The following HTR4 variants were observed in gnomAD, a reference collection of about 807,000 sequenced individuals.
HTR4 encodes the protein 5-hydroxytryptamine receptor 4, also known as 5-hydroxytryptamine (serotonin) receptor 4, G protein-coupled.
Under a neutral mutation model 36.8 loss-of-function variants are expected in HTR4, and 16 were observed. That is an observed-to-expected ratio of 0.43 (90% CI 0.29 to 0.66). The LOEUF (loss-of-function observed/expected upper bound fraction) is 0.66. HTR4 is among the 30% of genes least tolerant of loss of function. HTR4 has a pLI of 0.13. For synonymous variants in HTR4, 189 were observed against 185.1 expected (o/e 1.02, Z -0.17); for missense variants, 438 against 490.9 (o/e 0.89, Z 1.02).
chr5:148,607,309 C>T (rs929591657), intron 2 of HTR4, among the ~76,000 whole-genome samples: 2 of 152,096 alleles, frequency 1.3e-5, no homozygotes, highest in Non-Finnish European at 2.9e-5. Flanking sequence ...ACAGACTGGA[C>T]CAGAGTTCAG....
chr5:148,584,806 G>C (rs1761287969), intron 2 of HTR4, among the ~76,000 whole-genome samples: 1 of 152,134 alleles, frequency 6.6e-6, no homozygotes, highest in Non-Finnish European at 1.5e-5. Flanking sequence ...AATAAAGATT[G>C]CTGGCATCAC....
intron 5 of HTR4, among the ~76,000 whole-genome samples, chr5:148,514,534 C>T (rs1346282802): frequency 6.6e-6 from 1 of 152,142 alleles, no homozygotes; most frequent in Non-Finnish European, 1.5e-5. Context: ...TAGTCATCAA[C>T]CTTCTCTAGA....
chr5:148,642,217 T>C (rs1212544304), intron 1 of HTR4, among the ~76,000 whole-genome samples: 4 of 152,140 alleles, frequency 2.6e-5, no homozygotes, highest in Non-Finnish European at 5.9e-5. Context: ...GGTGGGAGCC[T>C]GACATAATGG....
chr5:148,539,814 A>G (rs756215013), intron 4 of HTR4, among the ~76,000 whole-genome samples: 40 of 152,316 alleles, frequency 2.6e-4, no homozygotes, highest in Middle Eastern at 3.4e-3. Flanking sequence ...CACTATGGCG[A>G]TTCCTCAAAG....
In HTR4 at chr5:148,481,735, CA is replaced by C; in HGVS notation, c.*1467del. ...GATGCTATTAAACCACAGCCAAGAT[CA>C]AAGTCAGAATCTCACATGGCTCTGG... On this transcript the variant is annotated 3_prime_UTR_variant, in exon 7 of 7. Transcript: ENST00000377888. The C allele has an allele frequency of 7.0e-7, 1 of 1,432,336 alleles. No homozygotes were observed. Among genetic ancestry groups the C allele is most frequent in the Admixed American group, 2.9e-5 (1 of 34,408 alleles). The allele number at this position is 1,432,336 out of a possible 1,614,324, so 88.7% of individuals were successfully genotyped here. A position where few individuals can be genotyped will look rare whatever the true frequency, so the allele number is the denominator to read the frequency against.
chr5:148,563,805 A>G (rs1309013256), intron 2 of HTR4, among the ~76,000 whole-genome samples: 1 of 152,224 alleles, frequency 6.6e-6, no homozygotes, highest in African/African-American at 2.4e-5. Context: ...CTTAAGTTAA[A>G]TGCAAATACT....
chr5:148,610,893 G>A (rs901434967), intron 2 of HTR4, among the ~76,000 whole-genome samples: 2 of 148,588 alleles, frequency 1.3e-5, no homozygotes, highest in African/African-American at 5.1e-5. Flanking sequence ...GAAGCCTCAG[G>A]AGCCGATGCG....
At chr5:148,553,876 G>A (rs189851954) in intron 2 of HTR4, among the ~76,000 whole-genome samples, 3 of 152,238 alleles carry the variant, frequency 2.0e-5, no homozygotes, top group African/African-American at 7.2e-5. Context: ...TCAATCCCAG[G>A]GGTACACCCG....
chr5:148,598,316 A>T (rs947076150), intron 2 of HTR4, among the ~76,000 whole-genome samples: 4 of 152,136 alleles, frequency 2.6e-5, no homozygotes, highest in African/African-American at 9.7e-5. Flanking sequence ...AGGCTGAGGC[A>T]GGCAGATCAC....
intron 2 of HTR4, among the ~76,000 whole-genome samples, chr5:148,596,041 C>T (rs1761758281): frequency 2.0e-5 from 3 of 152,292 alleles, no homozygotes; most frequent in African/African-American, 2.4e-5. Flanking sequence ...CAGCATATGG[C>T]GTTTGTGCTT....
intron 6 of HTR4, among the ~76,000 whole-genome samples, chr5:148,498,714 G>A (rs1430880805): frequency 6.6e-6 from 1 of 152,116 alleles, no homozygotes; most frequent in African/African-American, 2.4e-5. Context: ...ATGTGAAAAA[G>A]GTATGTTCTG....
chr5:148,576,065 C>T (rs1253608923), intron 2 of HTR4, among the ~76,000 whole-genome samples: 5 of 138,476 alleles, frequency 3.6e-5, no homozygotes, highest in East Asian at 2.2e-4. Context: ...TGTAAAAAAT[C>T]GCGCCACTGC....
At chr5:148,579,749 G>C (rs1200646202) in intron 2 of HTR4, among the ~76,000 whole-genome samples, 2 of 151,972 alleles carry the variant, frequency 1.3e-5, no homozygotes, top group African/African-American at 4.8e-5. Context: ...GTAACTTGCA[G>C]CTCCAGCAGC....
intron 2 of HTR4, among the ~76,000 whole-genome samples, chr5:148,577,418 A>G (rs911492915): frequency 2.6e-5 from 4 of 152,170 alleles, no homozygotes; most frequent in African/African-American, 9.6e-5. Flanking sequence ...GTGATTCCGC[A>G]AAGAGCTAAA....
chr5:148,645,209 C>T lies in HTR4; in HGVS notation c.-47-8148G>A, dbSNP rs1331721195. ...GCATAATGGTTCAAGTGGGAGGTGG[C>T]ACTTTTTTCTGTAAATGGCTATTTA... On this transcript the variant is annotated intron_variant, in intron 1 of 6. Transcript: ENST00000377888. 2.0e-5 allele frequency: 3 copies of T among 152,068 alleles called. No homozygotes were observed. In the East Asian group the frequency reaches 5.8e-4, roughly 29 times the overall value. 9.4% of individuals were successfully genotyped at this position (152,068 alleles called of 1,614,324 possible). A position where few individuals can be genotyped will look rare whatever the true frequency, so the allele number is the denominator to read the frequency against.
chr5:148,606,037 A>G (rs1752148973), intron 2 of HTR4, among the ~76,000 whole-genome samples: 1 of 152,222 alleles, frequency 6.6e-6, no homozygotes, highest in Non-Finnish European at 1.5e-5. Flanking sequence ...GAAGTTCAAC[A>G]GATAAATGAT....
intron 2 of HTR4, among the ~76,000 whole-genome samples, chr5:148,617,467 TG>T (rs1752743960): frequency 7.7e-6 from 1 of 130,110 alleles, no homozygotes. Context: ...CTCTCTCTTT[TG>T]TTTTTTTTTG....
intron 6 of HTR4, among the ~76,000 whole-genome samples, chr5:148,503,107 GC>G (rs1306881748): frequency 1.3e-5 from 2 of 152,256 alleles, no homozygotes; most frequent in East Asian, 3.9e-4. Flanking sequence ...ACCTAGCAAG[GC>G]AGGCCAACAT....
intron 4 of HTR4, among the ~76,000 whole-genome samples, chr5:148,545,621 G>T (rs1452189932): frequency 1.3e-5 from 2 of 152,230 alleles, no homozygotes; most frequent in Non-Finnish European, 2.9e-5. Flanking sequence ...AGACATGCAG[G>T]AGAGGAGGGG....
Sources: gnomAD v4.1 joint callset for allele counts (sites outside exome capture counted in the v4.1 genomes callset) on GRCh38, gnomAD v4.1.1 for gene constraint, MANE v1.5 for transcripts, NCBI Gene and HGNC (gene_info 2026-07-23, HGNC 2026-07-21) for gene names.